The following KDM2B variants were observed in gnomAD, a reference collection of about 807,000 sequenced individuals.
The protein encoded by KDM2B is lysine demethylase 2B.
In KDM2B, 26 loss-of-function variants were observed where a neutral mutation model predicts 150.0. That is an observed-to-expected ratio of 0.17 (90% CI 0.13 to 0.24). KDM2B has a LOEUF of 0.24. Ranked by LOEUF, KDM2B falls within the 10% of genes least tolerant of loss-of-function variation. KDM2B has a pLI of 1.00. For missense variants in KDM2B, 1,265 were observed against 1,816.9 expected (o/e 0.70, Z 5.52); for synonymous variants, 734 against 729.5 (o/e 1.01, Z -0.10).
intron 11 of KDM2B, among the ~76,000 whole-genome samples, chr12:121,502,006 G>A (rs1884611452): frequency 6.6e-6 from 1 of 152,180 alleles, no homozygotes; most frequent in South Asian, 2.1e-4. Flanking sequence ...AGACCCAGAA[G>A]AGGCCGCATC....
chr12:121,502,490 G>A (rs1379776993), intron 11 of KDM2B, among the ~76,000 whole-genome samples: 1 of 151,866 alleles, frequency 6.6e-6, no homozygotes, highest in Non-Finnish European at 1.5e-5. Flanking sequence ...GCGTGGTGGC[G>A]CATGCCTGTA....
At position 121,453,093 on chromosome 12, in the gene KDM2B, G is replaced by A. The variant is rs371117465; in HGVS notation, c.1959+27C>T. The A allele has an allele frequency of 1.1e-5, 18 of 1,572,830 alleles. No homozygotes were observed. The highest frequency in any genetic ancestry group is 7.0e-5 in the Admixed American group (4 of 57,422). On this transcript the variant is annotated intron_variant, in intron 13 of 22. Transcript: ENST00000377071. This position sits in a 1 kb window ranked among gnomAD's most constrained non-coding sequence, Gnocchi z 6.4. ...CGGCACGCAGGGGCCTGAATCGAGC[G>A]CAGGGCTGGGCGGGGGCCGCACTCA...
chr12:121,508,467 C>A (rs1885291063), intron 11 of KDM2B, among the ~76,000 whole-genome samples: 1 of 152,160 alleles, frequency 6.6e-6, no homozygotes, highest in South Asian at 2.1e-4. Flanking sequence ...AAATGAACTA[C>A]CAATCCTGAG....
Position 121,442,903 on chromosome 12 carries a change from C to A in KDM2B, c.2605-67G>T. ...GGCTGCGCCCGCCCAAGGCCTCCCG[C>A]CCCCCTGCCACGGGACTGTGGCCCA... On this transcript the variant is annotated intron_variant, in intron 18 of 22. Transcript: ENST00000377071. The surrounding 1 kb of genome is among the most constrained non-coding windows in gnomAD (Gnocchi z 7.7). The A allele has an allele frequency of 1.9e-6, 3 of 1,561,930 alleles. No individual in the cohort carries two copies. The South Asian group carries it at 3.5e-5, about 18-fold the overall frequency.
the KDM2B span, chr12:121,417,539 C>T: frequency 6.2e-6 from 10 of 1,612,766 alleles, no homozygotes; most frequent in South Asian, 5.5e-5. The surrounding 1 kb of genome is among the most constrained non-coding windows in gnomAD (Gnocchi z 5.0). Context: ...ATTTTTGCTC[C>T]GTTTGTTCAG....
In KDM2B at chr12:121,461,928, C is replaced by G. The variant is rs1593830338; in HGVS notation, c.1735-8584G>C. Among the ~76,000 whole-genome samples the G allele has an allele frequency of 2.6e-5, 4 of 152,262 alleles. No individual in the cohort carries two copies. The South Asian group carries it at 8.3e-4, about 32-fold the overall frequency. On this transcript the variant is annotated intron_variant, in intron 12 of 22. Coordinates refer to ENST00000377071, the MANE Select transcript of KDM2B (RefSeq NM_032590.5). Reference sequence around the variant, plus strand: ...GAAATGGCCAGAAAGGCCAGACAAGCAGTAGGAGGCTGTGGCATCACAAGA... The same window carrying G: ...GAAATGGCCAGAAAGGCCAGACAAGGAGTAGGAGGCTGTGGCATCACAAGA...
At chr12:121,440,266 G>T in intron 21 of KDM2B, 191 bp from the exon 22 acceptor site, 1 of 599,054 alleles carries the variant, frequency 1.7e-6, no homozygotes, top group Non-Finnish European at 3.0e-6. Flanking sequence ...TAGATTTTCA[G>T]ATTCTCTTGA....
intron 16 of KDM2B, 34 bp from the exon 17 acceptor site, chr12:121,443,827 C>T (rs368211076): frequency 1.1e-5 from 16 of 1,430,816 alleles, no homozygotes; most frequent in Admixed American, 1.9e-5. Flanking sequence ...AGGAGTGACT[C>T]GCTGGTTTTC....
At chr12:121,577,658 G>C (rs997668100) in intron 2 of KDM2B, among the ~76,000 whole-genome samples, 1 of 152,216 alleles carries the variant, frequency 6.6e-6, no homozygotes, top group African/African-American at 2.4e-5. Context: ...CAGGTTATCA[G>C]CTCACTGAGG....
chr12:121,506,110 A>T (rs569269298), intron 11 of KDM2B, among the ~76,000 whole-genome samples: 3 of 150,396 alleles, frequency 2.0e-5, no homozygotes, highest in Non-Finnish European at 4.5e-5. Context: ...CCTGGGCTCA[A>T]GTGATCCTCC....
chr12:121,421,394 A>AC, the KDM2B span, among the ~76,000 whole-genome samples: 1 of 149,826 alleles, frequency 6.7e-6, no homozygotes, highest in African/African-American at 2.4e-5. Flanking sequence ...AAAAAAAAAA[A>AC]AAAACCAAAA....
At chr12:121,455,042 C>T (rs979541493) in intron 12 of KDM2B, among the ~76,000 whole-genome samples, 10 of 152,134 alleles carry the variant, frequency 6.6e-5, no homozygotes, top group South Asian at 4.1e-4. Flanking sequence ...GTAGAAAGCC[C>T]GCAGCCTCAC....
At chr12:121,516,590 TA>T in intron 9 of KDM2B, 1 of 1,300,476 alleles carries the variant, frequency 7.7e-7, no homozygotes, top group South Asian at 1.4e-5. Context: ...CAAATTGAGT[TA>T]ACCAACGTCA....
chr12:121,484,070 T>A (rs1187937287), intron 12 of KDM2B, among the ~76,000 whole-genome samples: 1 of 152,072 alleles, frequency 6.6e-6, no homozygotes, highest in African/African-American at 2.4e-5. Context: ...CAACCTGCAA[T>A]GATCCCACAG....
At position 121,441,059 on chromosome 12, in the gene KDM2B, C is replaced by T; in HGVS notation, c.3448+11G>A. 6.2e-7 allele frequency: 1 copy of T among 1,614,004 alleles called. No individual in the cohort carries two copies. The highest frequency in any genetic ancestry group is 1.1e-5 in the South Asian group (1 of 91,056). ...AGCAGACACACTCGGGGCCACTGGCCCAGGGCTCACCAGGCAGCCGGTTGA... is the reference window on the plus strand; with the variant it reads ...AGCAGACACACTCGGGGCCACTGGCTCAGGGCTCACCAGGCAGCCGGTTGA... On this transcript the variant is annotated intron_variant, in intron 20 of 22. Coordinates refer to ENST00000377071, the MANE Select transcript of KDM2B (RefSeq NM_032590.5).
chr12:121,473,926 C>T (rs954842203), intron 12 of KDM2B, among the ~76,000 whole-genome samples: 1 of 152,180 alleles, frequency 6.6e-6, no homozygotes, highest in South Asian at 2.1e-4. Flanking sequence ...CTAACACATA[C>T]TCCAAGGGGA....
At chr12:121,514,415 A>G (rs1372635574) in intron 9 of KDM2B, among the ~76,000 whole-genome samples, 2 of 151,950 alleles carry the variant, frequency 1.3e-5, no homozygotes, top group African/African-American at 4.8e-5. Context: ...GGGAGATTCC[A>G]CGGGGGGCAG....
chr12:121,551,071 C>G (rs1889451074), intron 4 of KDM2B, among the ~76,000 whole-genome samples: 1 of 152,072 alleles, frequency 6.6e-6, no homozygotes, highest in South Asian at 2.1e-4. Flanking sequence ...TGGCACTTAA[C>G]AGAGAAAGTT....
At chr12:121,426,401 C>T (rs1328838374), downstream of KDM2B, among the ~76,000 whole-genome samples, 1 of 151,474 alleles carries the variant, frequency 6.6e-6, no homozygotes, top group Non-Finnish European at 1.5e-5. Context: ...AAGCATTTCC[C>T]CCTGGAATTT....
Sources: gnomAD v4.1 joint callset for allele counts (sites outside exome capture counted in the v4.1 genomes callset) on GRCh38, gnomAD v4.1.1 for gene constraint, Gnocchi (gnomAD v3.1) non-coding constraint, MANE v1.5 for transcripts, NCBI Gene and HGNC (gene_info 2026-07-23, HGNC 2026-07-21) for gene names.